The following LDLRAD3 variants were observed in gnomAD, a reference collection of about 807,000 sequenced individuals.
LDLRAD3 encodes low-density lipoprotein receptor class A domain-containing protein 3.
A neutral mutation model predicts 29.4 loss-of-function variants in LDLRAD3; 20 were observed. That is an observed-to-expected ratio of 0.68 (90% CI 0.48 to 0.99). LDLRAD3 has a LOEUF of 0.99. LDLRAD3 is among the 50% of genes least tolerant of loss of function. The pLI, the probability that LDLRAD3 is intolerant of heterozygous loss-of-function variation, is 0.00. For missense variants in LDLRAD3, 420 were observed against 454.3 expected (o/e 0.92, Z 0.69); for synonymous variants, 157 against 192.7 (o/e 0.81, Z 1.53).
At chr11:36,095,604 A>G (rs764748315) in intron 3 of LDLRAD3, among the ~76,000 whole-genome samples, 5 of 152,166 alleles carry the variant, frequency 3.3e-5, no homozygotes, top group African/African-American at 7.2e-5. Context: ...TTAAACATAC[A>G]TACACTTACT....
At chr11:36,114,678 T>C (rs1853650642) in intron 4 of LDLRAD3, among the ~76,000 whole-genome samples, 1 of 152,194 alleles carries the variant, frequency 6.6e-6, no homozygotes, top group Non-Finnish European at 1.5e-5. Flanking sequence ...CAGAACCTTT[T>C]ATAGATTTTT....
At chr11:35,948,737 G>A (rs1281744532) in intron 1 of LDLRAD3, among the ~76,000 whole-genome samples, 1 of 152,088 alleles carries the variant, frequency 6.6e-6, no homozygotes, top group African/African-American at 2.4e-5. Flanking sequence ...TTTGGAGGTG[G>A]TTGCAGGGAT....
chr11:36,017,673 C>T (rs1213877223), intron 1 of LDLRAD3, among the ~76,000 whole-genome samples: 2 of 151,788 alleles, frequency 1.3e-5, no homozygotes, highest in South Asian at 2.1e-4. Context: ...GGATTACAGT[C>T]GTGCACCCCC....
At chr11:35,981,902 A>G (rs1021616464) in intron 1 of LDLRAD3, among the ~76,000 whole-genome samples, 1 of 152,174 alleles carries the variant, frequency 6.6e-6, no homozygotes, top group East Asian at 1.9e-4. Flanking sequence ...TCTTCCACTG[A>G]AAACTAAAGG....
intron 4 of LDLRAD3, among the ~76,000 whole-genome samples, chr11:36,148,125 C>T (rs895146791): frequency 3.3e-5 from 5 of 152,158 alleles, no homozygotes; most frequent in African/African-American, 1.2e-4. Context: ...CCACCTCGGC[C>T]TCCCAAAATG....
intron 4 of LDLRAD3, among the ~76,000 whole-genome samples, chr11:36,219,375 C>T (rs1057500682): frequency 1.3e-5 from 2 of 152,064 alleles, no homozygotes; most frequent in Non-Finnish European, 2.9e-5. Flanking sequence ...GGGAAAAAGG[C>T]GTGCAAGACA....
intron 4 of LDLRAD3, among the ~76,000 whole-genome samples, chr11:36,164,955 T>C (rs1422269148): frequency 6.6e-6 from 1 of 152,264 alleles, no homozygotes; most frequent in African/African-American, 2.4e-5. Context: ...TAAAATCTTA[T>C]GTTCCCATTA....
chr11:36,088,532 G>C (rs574934292), intron 3 of LDLRAD3, among the ~76,000 whole-genome samples: 1 of 151,912 alleles, frequency 6.6e-6, no homozygotes, highest in Non-Finnish European at 1.5e-5. Context: ...CATTTAGCTA[G>C]TATGTCTGTG....
intron 2 of LDLRAD3, among the ~76,000 whole-genome samples, chr11:36,080,019 G>A (rs912243609): frequency 7.2e-5 from 11 of 152,210 alleles, no homozygotes; most frequent in African/African-American, 2.4e-4. Context: ...AGCCACATGG[G>A]TTTTTGAAAC....
intron 1 of LDLRAD3, among the ~76,000 whole-genome samples, chr11:36,010,495 C>A (rs1471388515): frequency 6.6e-6 from 1 of 152,112 alleles, no homozygotes. Flanking sequence ...CCATCTCTTT[C>A]TACATAGGGC....
chr11:36,109,148 C>T (rs985835549), intron 4 of LDLRAD3, among the ~76,000 whole-genome samples: 2 of 152,144 alleles, frequency 1.3e-5, no homozygotes, highest in East Asian at 1.9e-4. Flanking sequence ...AACGCAGAAG[C>T]CCCAAAGCTA....
chr11:36,204,629 A>C (rs1365692853), intron 4 of LDLRAD3, among the ~76,000 whole-genome samples: 2 of 151,846 alleles, frequency 1.3e-5, no homozygotes, highest in East Asian at 3.9e-4. Context: ...CTGAGATTAC[A>C]GGCACCCACC....
intron 4 of LDLRAD3, chr11:36,196,640 G>A (rs1855037350): frequency 6.6e-6 from 1 of 152,218 alleles, no homozygotes. Flanking sequence ...TTCATATCAT[G>A]TGAAAAACTT....
chr11:35,973,084 A>AATG (rs201793139), intron 1 of LDLRAD3, among the ~76,000 whole-genome samples: 1,597 of 150,640 alleles, frequency 0.011, 40 homozygotes, highest in African/African-American at 0.037. Flanking sequence ...GGGAGCACAT[A>AATG]ATGAAAGCTG....
intron 4 of LDLRAD3, among the ~76,000 whole-genome samples, chr11:36,183,665 T>C (rs1426717444): frequency 2.0e-5 from 3 of 152,336 alleles, no homozygotes; most frequent in Non-Finnish European, 4.4e-5. Flanking sequence ...AAAAGAGTGG[T>C]ATTAGAGCCC....
chr11:36,022,895 C>T (rs1335675227), intron 1 of LDLRAD3, among the ~76,000 whole-genome samples: 1 of 152,116 alleles, frequency 6.6e-6, no homozygotes, highest in African/African-American at 2.4e-5. Context: ...CTGAAAGCTG[C>T]GATCATTCAG....
At chr11:35,992,755 G>A (rs1331893806) in intron 1 of LDLRAD3, among the ~76,000 whole-genome samples, 3 of 152,270 alleles carry the variant, frequency 2.0e-5, no homozygotes, top group African/African-American at 7.2e-5. Context: ...TTGGGGTGAT[G>A]AAATGTTCTA....
rs559263766 is a variant in LDLRAD3 at position 36,230,806 on chromosome 11, G to T, written c.*1409G>T. The stretch of plus-strand genomic sequence containing the variant: ...TCACACCCTTGCCCCGCTGAGCCCC[G>T]TGATAACAAGTCACTCCAGACTAAC... On this transcript the variant is annotated 3_prime_UTR_variant, in exon 6 of 6. Coordinates refer to ENST00000315571, the MANE Select transcript of LDLRAD3 (RefSeq NM_174902.4). 6.6e-6 allele frequency: 1 copy of T among 152,662 alleles called. No individual in the cohort carries two copies. The highest frequency in any genetic ancestry group is 1.5e-5 in the Non-Finnish European group (1 of 68,014). The allele number at this position is 152,662 out of a possible 1,614,324, so 9.5% of individuals were successfully genotyped here.
intron 1 of LDLRAD3, among the ~76,000 whole-genome samples, chr11:36,003,948 TGA>T (rs2133180492): frequency 6.6e-6 from 1 of 152,198 alleles, no homozygotes; most frequent in East Asian, 1.9e-4. Context: ...TCAGATCTCA[TGA>T]GAACTCACTG....
Sources: gnomAD v4.1 joint callset for allele counts (sites outside exome capture counted in the v4.1 genomes callset) on GRCh38, gnomAD v4.1.1 for gene constraint, MANE v1.5 for transcripts, NCBI Gene and HGNC (gene_info 2026-07-23, HGNC 2026-07-21) for gene names.